Variants in TRAPPC12 observed in about 807,000 individuals in gnomAD.
TRAPPC12 encodes trafficking protein particle complex subunit 12, also known as TPR repeat protein 15.
In TRAPPC12, 61 loss-of-function variants were observed where a neutral mutation model predicts 69.2. That is an observed-to-expected ratio of 0.88 (90% CI 0.72 to 1.09). The LOEUF (loss-of-function observed/expected upper bound fraction) is 1.09, where lower values mean the gene tolerates loss of function less well. Among genes scored for constraint, TRAPPC12 ranks in the 50% least tolerant of loss-of-function variants. The pLI, the probability that TRAPPC12 is intolerant of heterozygous loss-of-function variation, is 0.00. For missense variants in TRAPPC12, 1,101 were observed against 1,016.4 expected (o/e 1.08, Z -1.13); for synonymous variants, 469 against 438.9 (o/e 1.07, Z -0.86).
chr2:3,421,770 G>A (rs1662801603), intron 3 of TRAPPC12, 111 bp from the exon 4 acceptor site: 1 of 957,798 alleles, frequency 1.0e-6, no homozygotes, highest in Non-Finnish European at 1.7e-6. Context: ...CGGCTGGCTG[G>A]CGCTGCTTCC....
chr2:3,407,795 CA>C lies in TRAPPC12; in HGVS notation c.1164+5909del, dbSNP rs908346929. 7.4e-5 allele frequency among the ~76,000 whole-genome samples: 11 copies of C among 148,856 alleles called. No individual in the cohort carries two copies. In the East Asian group the frequency reaches 2.2e-3, roughly 29 times the overall value. On this transcript the variant is annotated intron_variant, in intron 3 of 11. Transcript: ENST00000324266. ...TGGGCGACAGAGCAAGACTCCGTTT[CA>C]AAAAAAGAAAAAAAAGAAAAAGAAA...
chr2:3,387,512 C>G (rs979500876), intron 1 of TRAPPC12, 108 bp from the exon 2 acceptor site: 2 of 921,132 alleles, frequency 2.2e-6, no homozygotes, highest in African/African-American at 1.7e-5. Flanking sequence ...GGATAAGAAG[C>G]TGGAGAAATG....
chr2:3,474,906 CTGGGAACCATT>C (rs1393469027), intron 9 of TRAPPC12, among the ~76,000 whole-genome samples: 2 of 152,116 alleles, frequency 1.3e-5, no homozygotes, highest in Non-Finnish European at 2.9e-5. Context: ...TTCTGTGTTT[CTGGGAACCATT>C]TTGGTAACTG....
rs1272591663 is a variant in TRAPPC12, at chr2:3,473,185, A to AG, written c.1777-4503dup. On this transcript the variant is annotated intron_variant, in intron 9 of 11. Coordinates refer to ENST00000324266, the MANE Select transcript of TRAPPC12 (RefSeq NM_016030.6). ...TCGGGTTCTGCAGAGAGAGCAGGTG[A>AG]GGGGGGGTCAGGGGAAAGGAGAGCA... is the stretch of plus-strand genomic sequence containing the variant. Among the ~76,000 whole-genome samples the AG allele has an allele frequency of 2.0e-5, 3 of 151,836 alleles. 1 individual carries two copies. Among genetic ancestry groups the AG allele is most frequent in the Non-Finnish European group, 4.4e-5 (3 of 67,960 alleles).
intron 2 of TRAPPC12, among the ~76,000 whole-genome samples, chr2:3,397,333 T>C (rs1661190668): frequency 6.6e-6 from 1 of 152,244 alleles, no homozygotes; most frequent in Admixed American, 6.5e-5. Flanking sequence ...TTCTGTTCAG[T>C]GAGAGCACTA....
chr2:3,453,236 C>A (rs2103122998), intron 6 of TRAPPC12, among the ~76,000 whole-genome samples: 1 of 152,304 alleles, frequency 6.6e-6, no homozygotes, highest in South Asian at 2.1e-4. Flanking sequence ...ATACATCGTC[C>A]CCGGTACTTC....
chr2:3,456,950 C>A (rs1665186358), intron 6 of TRAPPC12: 1 of 377,426 alleles, frequency 2.6e-6, no homozygotes, highest in Admixed American at 3.4e-5. Flanking sequence ...TCTGCAGATA[C>A]TTCAAGAACA....
At chr2:3,425,587 T>C (rs1257759028) in intron 5 of TRAPPC12, among the ~76,000 whole-genome samples, 2 of 152,206 alleles carry the variant, frequency 1.3e-5, no homozygotes, top group African/African-American at 2.4e-5. Context: ...TAGTACCAAC[T>C]GTATTTGCTG....
At chr2:3,472,186 C>G (rs969231510) in intron 9 of TRAPPC12, among the ~76,000 whole-genome samples, 5 of 152,106 alleles carry the variant, frequency 3.3e-5, no homozygotes, top group African/African-American at 1.2e-4. Context: ...GAGCAGGAAC[C>G]CAGGGCAGGG....
intron 2 of TRAPPC12, among the ~76,000 whole-genome samples, chr2:3,395,166 T>C (rs1389852225): frequency 6.6e-6 from 1 of 152,218 alleles, no homozygotes; most frequent in Non-Finnish European, 1.5e-5. Flanking sequence ...CCAATTATTT[T>C]GTATCCATGG....
Position 3,477,889 on chromosome 2 carries a change from C to G in TRAPPC12, c.1877+94C>G. On this transcript the variant is annotated intron_variant, in intron 10 of 11. Coordinates refer to ENST00000324266, the MANE Select transcript of TRAPPC12 (RefSeq NM_016030.6). ...GTTGGAAAGCTCCCTAGAGAAGGCG[C>G]TTCTCCCTGTATCTCCTCTTGCCCT... The G allele has an allele frequency of 5.7e-6, 4 of 700,046 alleles. 1 individual carries two copies. Among genetic ancestry groups the G allele is most frequent in the Non-Finnish European group, 9.3e-6 (4 of 431,986 alleles). 43.4% of individuals were successfully genotyped at this position (700,046 alleles called of 1,614,324 possible).
intron 6 of TRAPPC12, among the ~76,000 whole-genome samples, chr2:3,451,912 C>T (rs1242666712): frequency 6.6e-6 from 1 of 152,246 alleles, no homozygotes; most frequent in African/African-American, 2.4e-5. Context: ...GCAAAGCCTT[C>T]AGTTGAAAGT....
chr2:3,457,506 C>G, intron 6 of TRAPPC12, 115 bp from the exon 7 acceptor site: 1 of 765,782 alleles, frequency 1.3e-6, no homozygotes, highest in Admixed American at 2.1e-5. Context: ...GTGAACATCC[C>G]TTGACAAATT....
intron 9 of TRAPPC12, among the ~76,000 whole-genome samples, chr2:3,471,355 T>TC (rs1275638525): frequency 2.0e-5 from 3 of 151,814 alleles, no homozygotes; most frequent in South Asian, 4.2e-4. Flanking sequence ...AGGATCCATC[T>TC]CCCCCCTCGG....
intron 6 of TRAPPC12, among the ~76,000 whole-genome samples, chr2:3,447,144 A>C (rs1664553509): frequency 1.3e-5 from 2 of 151,272 alleles, no homozygotes; most frequent in African/African-American, 4.9e-5. Context: ...TCTGTCACCC[A>C]GGCTGGAGTG....
At chr2:3,455,901 T>A (rs1359689991) in intron 6 of TRAPPC12, 1 of 152,228 alleles carries the variant, frequency 6.6e-6, no homozygotes, top group African/African-American at 2.4e-5. Context: ...ATGGTAGCTC[T>A]ATTTTTTGTT....
chr2:3,380,947 A>G (rs1394025467), intron 1 of TRAPPC12, among the ~76,000 whole-genome samples: 1 of 152,214 alleles, frequency 6.6e-6, no homozygotes, highest in Non-Finnish European at 1.5e-5. Flanking sequence ...GACTCAACAC[A>G]GTTATTGAGA....
At chr2:3,401,272 C>A (rs778804043) in intron 2 of TRAPPC12, among the ~76,000 whole-genome samples, 9 of 152,202 alleles carry the variant, frequency 5.9e-5, no homozygotes, top group Non-Finnish European at 1.0e-4. Flanking sequence ...GCCCTCCAGG[C>A]TTTCCTGGAG....
rs759301874 is a variant in TRAPPC12 at position 3,424,548 on chromosome 2, A to G, written c.1302A>G (p.Leu434=). ...SLQLWFVRLA[L]LVKLGLFQNA... ...AGCTCTGGTTTGTCAGGCTGGCACT[A>G]CTAGTGAAGTTGGGCCTTTTCCAGA... The change falls in exon 5 of 12, where the codon CTA becomes CTG. Residue 434 remains leucine (L), a synonymous_variant. Coordinates refer to ENST00000324266, the MANE Select transcript of TRAPPC12 (RefSeq NM_016030.6). 1.2e-6 allele frequency: 2 copies of G among 1,613,680 alleles called. No individual in the cohort carries two copies. Among genetic ancestry groups the G allele is most frequent in the East Asian group, 2.2e-5 (1 of 44,880 alleles).
Sources: allele counts gnomAD v4.1 joint callset (sites outside exome capture counted in the v4.1 genomes callset), GRCh38; gene constraint gnomAD v4.1.1; transcripts MANE v1.5; gene names NCBI Gene and HGNC (gene_info 2026-07-23, HGNC 2026-07-21).